PDE3A: variants seen among roughly 807,000 people sequenced by gnomAD.
The protein encoded by PDE3A is phosphodiesterase 3A.
Under a neutral mutation model 98.3 loss-of-function variants are expected in PDE3A, and 43 were observed. The observed-to-expected ratio is 0.44, with a 90% CI of 0.34 to 0.56. The LOEUF is 0.56. PDE3A is among the 20% of genes least tolerant of loss of function. PDE3A has a pLI of 0.01. For synonymous variants in PDE3A, 663 were observed against 567.9 expected (o/e 1.17, Z -2.38); for missense variants, 1,427 against 1,440.7 (o/e 0.99, Z 0.15).
At chr12:20,605,566 G>T (rs1445309199) in intron 2 of PDE3A, among the ~76,000 whole-genome samples, 1 of 151,972 alleles carries the variant, frequency 6.6e-6, no homozygotes, top group Non-Finnish European at 1.5e-5. Flanking sequence ...TGCCCAATTG[G>T]AAGGGACCTT....
chr12:20,582,570 T>C (rs1943094913), intron 2 of PDE3A, among the ~76,000 whole-genome samples: 1 of 152,096 alleles, frequency 6.6e-6, no homozygotes. Context: ...TAAATATATA[T>C]ACGCTTATAT....
chr12:20,571,579 T>A (rs1187498401), intron 2 of PDE3A, among the ~76,000 whole-genome samples: 1 of 152,172 alleles, frequency 6.6e-6, no homozygotes, highest in Non-Finnish European at 1.5e-5. Flanking sequence ...GCCTGTTTTT[T>A]TCTGACTCCT....
At chr12:20,570,735 T>C (rs1942784884) in intron 2 of PDE3A, among the ~76,000 whole-genome samples, 1 of 152,120 alleles carries the variant, frequency 6.6e-6, no homozygotes, top group African/African-American at 2.4e-5. Flanking sequence ...CCTAAATTAT[T>C]GTGTGTCTCA....
chr12:20,515,169 G>C (rs1011184846), intron 1 of PDE3A, among the ~76,000 whole-genome samples: 1 of 152,146 alleles, frequency 6.6e-6, no homozygotes, highest in Non-Finnish European at 1.5e-5. Flanking sequence ...AAATTTCAAC[G>C]TAAGTTTGAA....
intron 1 of PDE3A, among the ~76,000 whole-genome samples, chr12:20,381,184 C>A (rs910255044): frequency 2.6e-5 from 4 of 151,770 alleles, no homozygotes; most frequent in Non-Finnish European, 5.9e-5. Context: ...TTTGGTGGAA[C>A]TTCCTTAAGC....
At chr12:20,457,062 A>G (rs1945164841) in intron 1 of PDE3A, among the ~76,000 whole-genome samples, 1 of 142,608 alleles carries the variant, frequency 7.0e-6, no homozygotes, top group Non-Finnish European at 1.6e-5. Context: ...TCTATGTCCA[A>G]CAAAAAACAA....
chr12:20,498,542 T>G (rs1176795227), intron 1 of PDE3A, among the ~76,000 whole-genome samples: 1 of 152,160 alleles, frequency 6.6e-6, no homozygotes, highest in Non-Finnish European at 1.5e-5. Context: ...TGTGCATAGG[T>G]TATATGCAAA....
chr12:20,378,637 G>A (rs1408194616), intron 1 of PDE3A, among the ~76,000 whole-genome samples: 5 of 151,700 alleles, frequency 3.3e-5, no homozygotes, highest in Admixed American at 3.3e-4. Context: ...TGTGGATGCT[G>A]GCTCGCTTCT....
rs773689273 is a variant in PDE3A, at chr12:20,629,938, C to T, written c.1571C>T (p.Ser524Leu). The change falls in exon 6 of 16, where the codon TCG becomes TTG. Residue 524 changes from serine to leucine, a missense_variant. This residue lies in a region of PDE3A where 1,012 missense variants were observed against 886.5 expected (regional missense o/e 1.14). Coordinates refer to ENST00000359062, the MANE Select transcript of PDE3A (RefSeq NM_000921.5). ...CTCGCTAAAATTTCACCTCTTTCATCGCCCTGCTCCTCACCTCTCCAAGGG... is the reference window on the plus strand; with the variant it reads ...CTCGCTAAAATTTCACCTCTTTCATTGCCCTGCTCCTCACCTCTCCAAGGG... ...GALAKISPLSSPCSSPLQGTP... is the reference protein window; with the variant it reads ...GALAKISPLSLPCSSPLQGTP... 3.2e-5 allele frequency: 52 copies of T among 1,613,808 alleles called. No individual in the cohort carries two copies. Among genetic ancestry groups the T allele is most frequent in the Non-Finnish European group, 4.2e-5 (50 of 1,179,870 alleles).
Position 20,635,120 on chromosome 12 carries a change from C to T in PDE3A, c.2001+64C>T, listed in dbSNP as rs541572984. The T allele has an allele frequency of 4.9e-6, 7 of 1,441,032 alleles. No homozygotes were observed. In the African/African-American group the frequency reaches 7.1e-5, roughly 15 times the overall value. The allele number at this position is 1,441,032 out of a possible 1,614,324, so 89.3% of individuals were successfully genotyped here. A position where few individuals can be genotyped will look rare whatever the true frequency, so the allele number is the denominator to read the frequency against. Reference sequence around the variant, plus strand: ...GATGAGCTTCTGTTACAGATATTGGCTCAGAAATGAATCTTTGAGGCCAGG... The same window carrying T: ...GATGAGCTTCTGTTACAGATATTGGTTCAGAAATGAATCTTTGAGGCCAGG... On this transcript the variant is annotated intron_variant, in intron 8 of 15. Coordinates refer to ENST00000359062, the MANE Select transcript of PDE3A (RefSeq NM_000921.5).
intron 1 of PDE3A, among the ~76,000 whole-genome samples, chr12:20,511,322 T>C (rs1028774675): frequency 1.3e-5 from 2 of 151,890 alleles, no homozygotes; most frequent in Non-Finnish European, 2.9e-5. Context: ...GAACCAGAGA[T>C]CTGTGAAAAA....
chr12:20,646,539 T>C lies in PDE3A; in HGVS notation c.2301T>C (p.Leu767=), dbSNP rs1420947824. The C allele has an allele frequency of 6.2e-7, 1 of 1,610,790 alleles. No homozygotes were observed. The highest frequency in any genetic ancestry group is 8.5e-7 in the Non-Finnish European group (1 of 1,177,076). ...ATDVLHAVWY[L]TTQPIPGLST... is the part of the protein sequence containing the mutation. ...ATGTTTTACATGCTGTTTGGTATCT[T>C]ACTACACAGCCTATTCCAGGCCTCT... The change falls in exon 11 of 16, where the codon CTT becomes CTC. Residue 767 remains leucine (L), a synonymous_variant. Transcript: ENST00000359062.
intron 1 of PDE3A, among the ~76,000 whole-genome samples, chr12:20,456,437 A>G (rs1352547893): frequency 6.6e-6 from 1 of 152,182 alleles, no homozygotes; most frequent in Non-Finnish European, 1.5e-5. Flanking sequence ...TTGACTTCTT[A>G]GGAAATTGTA....
At position 20,400,083 on chromosome 12, in the gene PDE3A, GTAGATACTTTAA is replaced by G. The variant is rs1468847254; in HGVS notation, c.960+29840_960+29851del. 1.9e-4 allele frequency among the ~76,000 whole-genome samples: 28 copies of G among 150,346 alleles called. 1 individual carries two copies. The highest frequency in any genetic ancestry group is 6.8e-4 in the African/African-American group (27 of 39,800). The stretch of plus-strand genomic sequence containing the variant: ...TTCTTCTTCTTTGAGACATCCATTA[GTAGATACTTTAA>G]CACTAATCCGTTTTCTGTCCCAAAT... On this transcript the variant is annotated intron_variant, in intron 1 of 15. Coordinates refer to ENST00000359062, the MANE Select transcript of PDE3A (RefSeq NM_000921.5).
At chr12:20,667,564 T>C (rs1373403168) in intron 15 of PDE3A, among the ~76,000 whole-genome samples, 1 of 152,208 alleles carries the variant, frequency 6.6e-6, no homozygotes, top group Non-Finnish European at 1.5e-5. Flanking sequence ...GGCACCTTTG[T>C]CATAAATCAG....
In PDE3A at chr12:20,470,889, A is replaced by G. The variant is rs533033165; in HGVS notation, c.961-85771A>G. Among the ~76,000 whole-genome samples the G allele has an allele frequency of 2.0e-5, 3 of 152,044 alleles. No homozygotes were observed. The South Asian group carries it at 6.3e-4, about 32-fold the overall frequency. ...GAGGTCGAGAGAGTGGGCCCTCGTA[A>G]TGGGATTAGTGTGTTTATAAGAAGA... On this transcript the variant is annotated intron_variant, in intron 1 of 15. Transcript: ENST00000359062.
At chr12:20,436,186 C>T (rs1357961187) in intron 1 of PDE3A, among the ~76,000 whole-genome samples, 3 of 152,110 alleles carry the variant, frequency 2.0e-5, no homozygotes, top group Non-Finnish European at 4.4e-5. Context: ...TTTTCCTAAA[C>T]AGAGAAGTTG....
chr12:20,424,878 C>T (rs1208206360), intron 1 of PDE3A, among the ~76,000 whole-genome samples: 1 of 152,188 alleles, frequency 6.6e-6, no homozygotes, highest in African/African-American at 2.4e-5. Context: ...CATTGTAACA[C>T]CCACACTGTG....
intron 1 of PDE3A, among the ~76,000 whole-genome samples, chr12:20,483,886 T>A (rs1411476869): frequency 2.0e-5 from 3 of 152,216 alleles, no homozygotes; most frequent in Non-Finnish European, 4.4e-5. Flanking sequence ...AATGTGATTT[T>A]AAAAATGTAT....
Sources: gnomAD v4.1 joint callset for allele counts (sites outside exome capture counted in the v4.1 genomes callset) on GRCh38, gnomAD v4.1.1 for gene constraint, gnomAD v4.1.1 regional missense constraint, MANE v1.5 for transcripts, NCBI Gene and HGNC (gene_info 2026-07-23, HGNC 2026-07-21) for gene names.